The following ABCA12 variants were observed in gnomAD, a reference collection of about 807,000 sequenced individuals.
ABCA12 encodes the protein ATP binding cassette subfamily A member 12, also known as glucosylceramide transporter ABCA12.
A neutral mutation model predicts 293.5 loss-of-function variants in ABCA12; 156 were observed. That is an observed-to-expected ratio of 0.53 (90% CI 0.47 to 0.61). ABCA12 has a LOEUF of 0.61. Among genes scored for constraint, ABCA12 ranks in the 20% least tolerant of loss-of-function variants. The pLI is 0.00. For missense variants in ABCA12, 2,797 were observed against 3,090.2 expected, an observed-to-expected ratio of 0.91 and a Z score of 2.25; for synonymous variants, 1,063 against 1,108.0, an observed-to-expected ratio of 0.96 and a Z score of 0.81.
rs1340449280 is a variant in ABCA12, at chr2:214,958,425, G to C, written c.5969C>G (p.Ala1990Gly). Residue 1990 changes from alanine (A) to glycine (G), a missense_variant, in exon 41 of 53, where the codon GCA becomes GGA. Ala to Gly is a moderately conservative substitution (Grantham distance 60). This residue lies in a region of ABCA12 where 2,130 missense variants were observed against 2,427.0 expected (regional missense o/e 0.88). Transcript: ENST00000272895. The part of the protein sequence containing the change: ...TISSLIDILV[A>G]LSILMGYSVT... Reference sequence around the variant, plus strand: ...AGAGTAGCCCATCAAGATAGACAGTGCCACTAAAATATCGATTAAACTGCT... The same window carrying C: ...AGAGTAGCCCATCAAGATAGACAGTCCCACTAAAATATCGATTAAACTGCT... 14 of 1,613,888 alleles carry C rather than the reference G, an allele frequency of 8.7e-6. No homozygotes were observed. Among genetic ancestry groups the C allele is most frequent in the Non-Finnish European group, 1.0e-5 (12 of 1,179,874 alleles).
At chr2:214,987,281 G>C (rs907386445) in intron 27 of ABCA12, among the ~76,000 whole-genome samples, 3 of 152,154 alleles carry the variant, frequency 2.0e-5, no homozygotes, top group Non-Finnish European at 2.9e-5. Context: ...TTTGTGATGG[G>C]TTATGCTAAA....
chr2:215,112,480 T>C (rs1427215124), intron 1 of ABCA12, among the ~76,000 whole-genome samples: 3 of 106,422 alleles, frequency 2.8e-5, no homozygotes, highest in Non-Finnish European at 5.1e-5. Context: ...TCTTTGGGTT[T>C]TTTTTGTTTT....
At chr2:215,082,043 CTTTTTTT>C (rs549072917) in intron 2 of ABCA12, among the ~76,000 whole-genome samples, 1 of 113,160 alleles carries the variant, frequency 8.8e-6, no homozygotes, top group Admixed American at 1.1e-4. Flanking sequence ...ATTGTTAATT[CTTTTTTT>C]TTTTTTTTTT....
chr2:214,952,135 G>C (rs1432200035), intron 44 of ABCA12, among the ~76,000 whole-genome samples: 1 of 151,092 alleles, frequency 6.6e-6, no homozygotes, highest in African/African-American at 2.4e-5. Flanking sequence ...GATCCCCAAA[G>C]ACCCCAACTG....
chr2:214,937,801 T>G (rs1223282028), intron 50 of ABCA12, among the ~76,000 whole-genome samples, 186 bp from the exon 51 acceptor site: 1 of 152,196 alleles, frequency 6.6e-6, no homozygotes, highest in East Asian at 1.9e-4. Context: ...TGCTATGATT[T>G]TTTATTTATT....
intron 2 of ABCA12, among the ~76,000 whole-genome samples, chr2:215,076,662 A>G (rs1445895362): frequency 6.6e-6 from 1 of 152,166 alleles, no homozygotes; most frequent in East Asian, 1.9e-4. Flanking sequence ...AAAAACACAC[A>G]CATGTGCAAA....
intron 1 of ABCA12, among the ~76,000 whole-genome samples, chr2:215,126,091 T>G (rs1489209812): frequency 1.3e-5 from 2 of 152,290 alleles, no homozygotes; most frequent in East Asian, 3.9e-4. Context: ...ATGTGGTGTA[T>G]CACATTTATT....
At chr2:215,100,189 T>C (rs1702328818) in intron 2 of ABCA12, among the ~76,000 whole-genome samples, 2 of 152,030 alleles carry the variant, frequency 1.3e-5, no homozygotes, top group South Asian at 4.2e-4. Flanking sequence ...TAATTTTTTA[T>C]TTTTATTTTT....
chr2:215,043,783 G>C (rs1701149455), intron 7 of ABCA12, among the ~76,000 whole-genome samples: 1 of 152,118 alleles, frequency 6.6e-6, no homozygotes, highest in South Asian at 2.1e-4. Flanking sequence ...TGCCAATTAA[G>C]ATACAAACAT....
At chr2:214,981,961 T>TTATTAG (rs1270375266) in intron 30 of ABCA12, among the ~76,000 whole-genome samples, 1 of 119,090 alleles carries the variant, frequency 8.4e-6, no homozygotes, top group African/African-American at 3.6e-5. Flanking sequence ...ATTATTATTA[T>TTATTAG]TATTATTATT....
At chr2:215,094,791 C>T (rs1353470143) in intron 2 of ABCA12, among the ~76,000 whole-genome samples, 1 of 152,154 alleles carries the variant, frequency 6.6e-6, no homozygotes, top group Non-Finnish European at 1.5e-5. Flanking sequence ...ACCCAGTTGC[C>T]CCATCAATCC....
Position 214,990,747 on chromosome 2 carries a change from C to T in ABCA12, c.3579G>A (p.Leu1193=), listed in dbSNP as rs1009088473. The change falls in exon 24 of 53, where the codon CTG becomes CTA. Residue 1193 remains leucine (L), a synonymous_variant. Coordinates refer to ENST00000272895, the MANE Select transcript of ABCA12 (RefSeq NM_173076.3). ...AGCTCAACTCATTCTCCACTGTAAC[C>T]AGAACAATAAATGGAAAGAAGGCAA... ...YIIAFFPFIV[L]VTVENELSYV... is the part of the protein sequence containing the mutation. The T allele has an allele frequency of 6.2e-7, 1 of 1,613,998 alleles. No homozygotes were observed.
At chr2:214,950,837 G>A in intron 45 of ABCA12, 42 bp downstream of exon 45, 1 of 1,578,254 alleles carries the variant, frequency 6.3e-7, no homozygotes, top group Non-Finnish European at 8.7e-7. Flanking sequence ...CACATAGTAT[G>A]CCAATGAAAA....
chr2:215,087,395 A>C (rs1448239543), intron 2 of ABCA12, among the ~76,000 whole-genome samples: 1 of 152,038 alleles, frequency 6.6e-6, no homozygotes, highest in East Asian at 1.9e-4. Context: ...TTAACACACA[A>C]ATTTTTACTA....
chr2:215,006,138 G>A (rs1700248234), intron 19 of ABCA12, among the ~76,000 whole-genome samples: 1 of 152,108 alleles, frequency 6.6e-6, no homozygotes, highest in South Asian at 2.1e-4. Context: ...AGAGATTCCA[G>A]CAAATTACAG....
intron 10 of ABCA12, among the ~76,000 whole-genome samples, chr2:215,026,401 CTTTG>C (rs1356548054): frequency 1.3e-5 from 2 of 152,090 alleles, no homozygotes; most frequent in Non-Finnish European, 2.9e-5. Flanking sequence ...ACAAAAATGC[CTTTG>C]TTTATGTAAT....
In ABCA12 at chr2:214,931,580, C is replaced by CAA. The variant is rs1698058040; in HGVS notation, c.*1052_*1053dup. 1.3e-5 allele frequency: 2 copies of CAA among 152,356 alleles called. No homozygotes were observed. 9.4% of individuals were successfully genotyped at this position (152,356 alleles called of 1,614,324 possible). A position where few individuals can be genotyped will look rare whatever the true frequency, so the allele number is the denominator to read the frequency against. The stretch of plus-strand genomic sequence containing the variant: ...ACTTTGAGTTTATTGGTTTTCGAGA[C>CAA]AAACAGTCATGCCAAAGCTGACAAA... On this transcript the variant is annotated 3_prime_UTR_variant, in exon 53 of 53. Coordinates refer to ENST00000272895, the MANE Select transcript of ABCA12 (RefSeq NM_173076.3).
At chr2:214,933,224 A>C (rs746606457) in intron 52 of ABCA12, among the ~76,000 whole-genome samples, 1 of 152,184 alleles carries the variant, frequency 6.6e-6, no homozygotes, top group Admixed American at 6.6e-5. Context: ...TAAGCCAATT[A>C]CTTAACAGGC....
intron 2 of ABCA12, among the ~76,000 whole-genome samples, chr2:215,090,338 C>T (rs555811201): frequency 6.6e-6 from 1 of 152,278 alleles, no homozygotes; most frequent in South Asian, 2.1e-4. Context: ...CAGGAGGACT[C>T]CTTTGGGAGA....
Sources: allele counts gnomAD v4.1 joint callset (sites outside exome capture counted in the v4.1 genomes callset), GRCh38; gene constraint gnomAD v4.1.1; regional missense constraint gnomAD v4.1.1; transcripts MANE v1.5; gene names NCBI Gene and HGNC (gene_info 2026-07-23, HGNC 2026-07-21).